Variants in SLC24A2 observed in about 807,000 individuals in gnomAD.
The protein encoded by SLC24A2 is sodium/potassium/calcium exchanger 2.
In SLC24A2, 36 loss-of-function variants were observed where a neutral mutation model predicts 62.0. The ratio of observed to expected loss-of-function variants is 0.58; its 90% confidence interval spans 0.44 to 0.77. The LOEUF (loss-of-function observed/expected upper bound fraction) is 0.77, where lower values mean the gene tolerates loss of function less well. Ranked by LOEUF, SLC24A2 falls within the 30% of genes least tolerant of loss-of-function variation. The pLI, the probability that SLC24A2 is intolerant of heterozygous loss-of-function variation, is 0.00. For synonymous variants in SLC24A2, 358 were observed against 294.0 expected (o/e 1.22, Z -2.23); for missense variants, 846 against 817.9 (o/e 1.03, Z -0.42).
chr9:20,137,162 A>T, the SLC24A2 span, among the ~76,000 whole-genome samples: 1 of 152,162 alleles, frequency 6.6e-6, no homozygotes, highest in East Asian at 1.9e-4. Flanking sequence ...AACCCTGTTC[A>T]TTGATGTGTG....
the SLC24A2 span, among the ~76,000 whole-genome samples, chr9:20,118,464 G>C: frequency 6.6e-6 from 1 of 152,054 alleles, no homozygotes; most frequent in Non-Finnish European, 1.5e-5. Context: ...ACTGATGCTT[G>C]AGAGATAACC....
intron 8 of SLC24A2, among the ~76,000 whole-genome samples, chr9:19,548,586 G>C (rs1834694289): frequency 1.3e-5 from 2 of 152,310 alleles, no homozygotes; most frequent in East Asian, 1.9e-4. Context: ...TGAGTTGAAA[G>C]ATCAAGAAGG....
chr9:20,161,047 A>C, the SLC24A2 span, among the ~76,000 whole-genome samples: 74 of 151,566 alleles, frequency 4.9e-4, no homozygotes, highest in Admixed American at 3.3e-3. Context: ...CATGACTTGG[A>C]GGAATTACCT....
the SLC24A2 span, among the ~76,000 whole-genome samples, chr9:19,820,016 T>C: frequency 1.9e-5 from 2 of 106,032 alleles, no homozygotes; most frequent in Non-Finnish European, 2.0e-5. Context: ...TGTGTATATA[T>C]ATATATATAC....
the SLC24A2 span, among the ~76,000 whole-genome samples, chr9:20,117,949 T>C: frequency 6.6e-6 from 1 of 151,928 alleles, no homozygotes; most frequent in South Asian, 2.1e-4. Flanking sequence ...CTAGTAAGAG[T>C]CAGTGTCATA....
intron 2 of SLC24A2, among the ~76,000 whole-genome samples, chr9:19,644,706 T>C (rs1002926029): frequency 2.0e-5 from 3 of 151,462 alleles, no homozygotes; most frequent in African/African-American, 7.3e-5. Context: ...ATGTAAGCAA[T>C]ATGCTTGAAA....
chr9:20,193,146 C>T, the SLC24A2 span, among the ~76,000 whole-genome samples: 86 of 152,170 alleles, frequency 5.7e-4, no homozygotes, highest in African/African-American at 2.0e-3. Flanking sequence ...AGTCCACATG[C>T]CTTGATATTG....
At chr9:19,636,315 T>TTTTCCTTCTTTC in intron 2 of SLC24A2, among the ~76,000 whole-genome samples, 1 of 40,320 alleles carries the variant, frequency 2.5e-5, no homozygotes, top group Admixed American at 2.7e-4. Flanking sequence ...TTTTCTTTTC[T>TTTTCCTTCTTTC]TTTCTTTCTT....
chr9:19,609,414 T>G (rs1837081619), intron 4 of SLC24A2, among the ~76,000 whole-genome samples: 2 of 152,250 alleles, frequency 1.3e-5, no homozygotes. Context: ...ACCAGCCTCC[T>G]GAATACTTCA....
the SLC24A2 span, chr9:19,967,965 T>C: frequency 6.6e-6 from 1 of 152,192 alleles, no homozygotes; most frequent in East Asian, 1.9e-4. Context: ...AAAAACATAC[T>C]TCAGGGGCAG....
At position 19,516,206 on chromosome 9, in the gene SLC24A2, C is replaced by A; in HGVS notation, c.1933G>T (p.Val645Leu). The A allele has an allele frequency of 6.2e-7, 1 of 1,614,130 alleles. No individual in the cohort carries two copies. The highest frequency in any genetic ancestry group is 8.5e-7 in the Non-Finnish European group (1 of 1,180,032). ...CTGTCTTCTAGGAGAACGCTCACCA[C>A]CAGGAACACAAAGTAGAGGCCAAAC... The part of the protein sequence containing the change: ...IMFGLYFVFL[V>L]VSVLLEDRIL... Residue 645 changes from valine to leucine, a missense_variant, in exon 11 of 11, where the codon GTG becomes TTG. By Grantham distance (32) the Val-to-Leu change is conservative. Coordinates refer to ENST00000341998, the MANE Select transcript of SLC24A2 (RefSeq NM_020344.4).
the SLC24A2 span, among the ~76,000 whole-genome samples, chr9:20,175,053 C>A: frequency 1.3e-5 from 2 of 150,850 alleles, no homozygotes; most frequent in Non-Finnish European, 3.0e-5. Context: ...ACTACTTAGC[C>A]ATAAAAAGGA....
chr9:19,517,574 A>G (rs146475784), intron 10 of SLC24A2, among the ~76,000 whole-genome samples: 38 of 152,234 alleles, frequency 2.5e-4, no homozygotes, highest in African/African-American at 8.7e-4. Context: ...AACTGGGTGC[A>G]TATGTTAACC....
At chr9:19,713,584 T>G (rs749601392) in intron 2 of SLC24A2, among the ~76,000 whole-genome samples, 1 of 150,182 alleles carries the variant, frequency 6.7e-6, no homozygotes, top group Non-Finnish European at 1.5e-5. Context: ...TCTATTTGCC[T>G]TTGAGCAAAA....
chr9:19,973,581 T>C, the SLC24A2 span, among the ~76,000 whole-genome samples: 71 of 152,354 alleles, frequency 4.7e-4, 1 homozygote, highest in African/African-American at 1.7e-3. Context: ...GGCATCATGC[T>C]AATATTTCTG....
the SLC24A2 span, among the ~76,000 whole-genome samples, chr9:19,834,771 C>T: frequency 8.5e-5 from 13 of 152,074 alleles, no homozygotes; most frequent in African/African-American, 2.2e-4. Context: ...GACACATAAT[C>T]GTCAGATTCA....
At chr9:20,037,242 G>A in the SLC24A2 span, among the ~76,000 whole-genome samples, 1 of 152,082 alleles carries the variant, frequency 6.6e-6, no homozygotes, top group African/African-American at 2.4e-5. Context: ...CCAACACAAT[G>A]TAAAGACTAT....
the SLC24A2 span, among the ~76,000 whole-genome samples, chr9:19,844,987 G>T: frequency 1.4e-5 from 2 of 142,694 alleles, no homozygotes; most frequent in African/African-American, 2.6e-5. Flanking sequence ...GGATTGCCTT[G>T]GCTATTCAGG....
intron 2 of SLC24A2, among the ~76,000 whole-genome samples, chr9:19,671,326 G>T (rs183374346): frequency 3.3e-5 from 5 of 152,098 alleles, no homozygotes; most frequent in African/African-American, 1.2e-4. Flanking sequence ...ATTGCAAAAG[G>T]GGTTGAGTTC....
Sources: allele counts gnomAD v4.1 joint callset (sites outside exome capture counted in the v4.1 genomes callset), GRCh38; gene constraint gnomAD v4.1.1; transcripts MANE v1.5; gene names NCBI Gene and HGNC (gene_info 2026-07-23, HGNC 2026-07-21).